Variants in VIT observed in about 807,000 individuals in gnomAD.
VIT encodes the protein vitrin.
In VIT, 99 loss-of-function variants were observed where a neutral mutation model predicts 78.0. The ratio of observed to expected loss-of-function variants is 1.27; its 90% CI spans 1.08 to 1.50. The LOEUF (loss-of-function observed/expected upper bound fraction) is 1.50, where lower values mean the gene tolerates loss of function less well. Ranked by LOEUF, VIT falls within the 40% of genes most tolerant of loss-of-function variation. VIT has a pLI of 0.00. For missense variants in VIT, 1,126 were observed against 875.3 expected (o/e 1.29, Z -3.61); for synonymous variants, 374 against 334.3 (o/e 1.12, Z -1.29).
intron 4 of VIT, among the ~76,000 whole-genome samples, chr2:36,746,630 G>T (rs1668152655): frequency 6.6e-6 from 1 of 152,056 alleles, no homozygotes; most frequent in African/African-American, 2.4e-5. Flanking sequence ...GTATTTCTGT[G>T]GGATTGGTTG....
At chr2:36,795,124 C>A (rs149822647) in intron 12 of VIT, among the ~76,000 whole-genome samples, 1 of 152,138 alleles carries the variant, frequency 6.6e-6, no homozygotes, top group Non-Finnish European at 1.5e-5. Flanking sequence ...GGAGAAAGTG[C>A]CTGTTCTCAA....
chr2:36,721,063 A>T (rs1666477873), intron 2 of VIT, among the ~76,000 whole-genome samples: 1 of 152,058 alleles, frequency 6.6e-6, no homozygotes, highest in Non-Finnish European at 1.5e-5. Context: ...TGTTCTGGTG[A>T]TCTAATGTAC....
At chr2:36,722,009 C>T (rs67425119) in intron 2 of VIT, among the ~76,000 whole-genome samples, 2 of 152,164 alleles carry the variant, frequency 1.3e-5, no homozygotes, top group Non-Finnish European at 2.9e-5. Context: ...CATAGGCACT[C>T]AATAAATATT....
chr2:36,776,839 C>T (rs1379161857), intron 9 of VIT, among the ~76,000 whole-genome samples: 3 of 151,860 alleles, frequency 2.0e-5, no homozygotes, highest in Non-Finnish European at 4.4e-5. Flanking sequence ...ACCTGTATCC[C>T]AGCACTTTGG....
intron 15 of VIT, 121 bp from the exon 16 acceptor site, chr2:36,814,062 T>C (rs1216489678): frequency 8.0e-7 from 1 of 1,250,264 alleles, no homozygotes; most frequent in South Asian, 1.6e-5. Context: ...TTGGTTTTGT[T>C]TTGTTTGGGC....
intron 1 of VIT, among the ~76,000 whole-genome samples, chr2:36,708,110 T>TTCCC (rs1665552765): frequency 1.5e-5 from 2 of 137,788 alleles, no homozygotes; most frequent in Non-Finnish European, 1.6e-5. Context: ...GTAAAGGACC[T>TTCCC]CCCCCCCCCG....
At chr2:36,717,524 C>T (rs1335789347) in intron 2 of VIT, among the ~76,000 whole-genome samples, 1 of 152,060 alleles carries the variant, frequency 6.6e-6, no homozygotes, top group African/African-American at 2.4e-5. Context: ...GCATGAGCCA[C>T]CGCACCCGGC....
chr2:36,775,271 C>A (rs1471230330), intron 9 of VIT, among the ~76,000 whole-genome samples: 1 of 152,178 alleles, frequency 6.6e-6, no homozygotes, highest in Non-Finnish European at 1.5e-5. Context: ...AAGAGAAAAT[C>A]TTTGTCAACG....
At chr2:36,803,535 C>A (rs1233249553) in intron 13 of VIT, among the ~76,000 whole-genome samples, 1 of 152,166 alleles carries the variant, frequency 6.6e-6, no homozygotes, top group Non-Finnish European at 1.5e-5. Context: ...CCAGAGAGGA[C>A]TTCCGGGTGC....
Position 36,703,915 on chromosome 2 carries a change from T to G in VIT, c.-19+6942T>G, listed in dbSNP as rs150603036. 6.3e-4 allele frequency among the ~76,000 whole-genome samples: 19 copies of G among 30,366 alleles called. 4 individuals carry two copies. Among genetic ancestry groups the G allele is most frequent in the African/African-American group, 8.5e-4 (9 of 10,632 alleles). 19.9% of individuals were successfully genotyped at this position (30,366 alleles called of 152,430 possible). On this transcript the variant is annotated intron_variant, in intron 1 of 15. Coordinates refer to ENST00000379242, the MANE Select transcript of VIT (RefSeq NM_053276.4). ...TTTTGTTTGTTTGTTTGGGGTTTTT[T>G]TTTGTTTGTTTTTTGTTTTTGTTTT...
chr2:36,813,801 G>T (rs988436525), intron 15 of VIT, among the ~76,000 whole-genome samples: 1 of 152,102 alleles, frequency 6.6e-6, no homozygotes, highest in African/African-American at 2.4e-5. Context: ...ATTCTGATCT[G>T]CATGGCCCCA....
intron 5 of VIT, among the ~76,000 whole-genome samples, chr2:36,756,665 G>A (rs1668785233): frequency 6.6e-6 from 1 of 152,198 alleles, no homozygotes; most frequent in African/African-American, 2.4e-5. Context: ...TTCTTTGTCA[G>A]ATAGCGGAAG....
chr2:36,707,475 T>C (rs35145811), intron 1 of VIT, among the ~76,000 whole-genome samples: 49,653 of 152,066 alleles, frequency 0.33, 9,222 homozygotes, highest in Middle Eastern at 0.47. Context: ...CCACCTGGAC[T>C]AGTAACTAGT....
intron 15 of VIT, among the ~76,000 whole-genome samples, chr2:36,812,050 G>T (rs1667211854): frequency 6.6e-6 from 1 of 152,144 alleles, no homozygotes; most frequent in Non-Finnish European, 1.5e-5. Context: ...GGGAAGGAGG[G>T]CTTAGACTGT....
intron 11 of VIT, among the ~76,000 whole-genome samples, chr2:36,784,762 C>G (rs1664980368): frequency 6.6e-6 from 1 of 152,242 alleles, no homozygotes; most frequent in East Asian, 1.9e-4. Context: ...ATTGCTCACA[C>G]TGAACATTGT....
chr2:36,768,443 A>C (rs1669566230), intron 7 of VIT, among the ~76,000 whole-genome samples: 1 of 152,238 alleles, frequency 6.6e-6, no homozygotes, highest in South Asian at 2.1e-4. Flanking sequence ...ATAAATAAAT[A>C]AATAAAAATG....
intron 1 of VIT, among the ~76,000 whole-genome samples, chr2:36,704,634 T>G (rs904956918): frequency 2.0e-5 from 3 of 152,090 alleles, no homozygotes; most frequent in Admixed American, 6.6e-5. Context: ...CCCTGGAAAT[T>G]CCTGAGGCTT....
At chr2:36,712,627 G>A (rs1254662261) in intron 1 of VIT, among the ~76,000 whole-genome samples, 1 of 152,186 alleles carries the variant, frequency 6.6e-6, no homozygotes, top group African/African-American at 2.4e-5. Flanking sequence ...CATGAGGTCA[G>A]GAGTTCCAGA....
intron 15 of VIT, among the ~76,000 whole-genome samples, chr2:36,810,097 G>C (rs1250834196): frequency 6.6e-6 from 1 of 151,640 alleles, no homozygotes; most frequent in Non-Finnish European, 1.5e-5. Context: ...TTCGAGACTA[G>C]CCTGACCAAC....
Sources: allele counts gnomAD v4.1 joint callset (sites outside exome capture counted in the v4.1 genomes callset), GRCh38; gene constraint gnomAD v4.1.1; transcripts MANE v1.5; gene names NCBI Gene and HGNC (gene_info 2026-07-23, HGNC 2026-07-21).